DNAJC6: variants seen among roughly 807,000 people sequenced by gnomAD.
DNAJC6 encodes DnaJ heat shock protein family (Hsp40) member C6.
A neutral mutation model predicts 110.0 loss-of-function variants in DNAJC6; 34 were observed. The observed-to-expected ratio is 0.31, with a 90% CI of 0.24 to 0.41. DNAJC6 has a LOEUF of 0.41. Among genes scored for constraint, DNAJC6 ranks in the 10% least tolerant of loss-of-function variants. The pLI is 1.00. For synonymous variants in DNAJC6, 406 were observed against 437.2 expected (o/e 0.93, Z 0.89); for missense variants, 1,031 against 1,207.8 (o/e 0.85, Z 2.17).
At chr1:65,378,879 A>G (rs567058140) in intron 4 of DNAJC6, among the ~76,000 whole-genome samples, 2 of 152,332 alleles carry the variant, frequency 1.3e-5, no homozygotes, top group East Asian at 1.9e-4. Flanking sequence ...AAAAATATGC[A>G]TGTTAAATGA....
chr1:65,315,382 A>T (rs1645139819), intron 1 of DNAJC6, among the ~76,000 whole-genome samples: 2 of 152,136 alleles, frequency 1.3e-5, no homozygotes, highest in South Asian at 4.1e-4. Flanking sequence ...GAATAAAATG[A>T]GAAAAGTTAA....
At chr1:65,336,747 A>G (rs1011403989) in intron 1 of DNAJC6, among the ~76,000 whole-genome samples, 5 of 152,198 alleles carry the variant, frequency 3.3e-5, no homozygotes, top group Non-Finnish European at 7.3e-5. Context: ...GAACCTGCTC[A>G]ATCAGTCAAT....
rs369755754 is a variant in DNAJC6, at chr1:65,395,564, G to A, written c.2038+532G>A. Among the ~76,000 whole-genome samples, 3 of 151,956 alleles carry A rather than the reference G, an allele frequency of 2.0e-5. 1 individual carries two copies. Among genetic ancestry groups the A allele is most frequent in the East Asian group, 3.9e-4 (2 of 5,180 alleles). On this transcript the variant is annotated intron_variant, in intron 13 of 18. Transcript: ENST00000371069. Reference sequence around the variant, plus strand: ...TAGTCTGATTTGAGATACACTCCAAGTATAAAATACATACCAGATTTCAAA... The same window carrying A: ...TAGTCTGATTTGAGATACACTCCAAATATAAAATACATACCAGATTTCAAA...
At chr1:65,380,921 G>GTTTTTTTTTTTTTTTTTTTTT (rs1162044500) in intron 5 of DNAJC6, among the ~76,000 whole-genome samples, 3 of 99,328 alleles carry the variant, frequency 3.0e-5, no homozygotes, top group African/African-American at 1.1e-4. Context: ...GTTTTGTTTT[G>GTTTTTTTTTTTTTTTTTTTTT]TTTTTTTTTT....
At chr1:65,368,592 T>A (rs1645672001) in intron 4 of DNAJC6, among the ~76,000 whole-genome samples, 1 of 148,254 alleles carries the variant, frequency 6.7e-6, no homozygotes, top group African/African-American at 2.5e-5. Flanking sequence ...CTCCTCTTCT[T>A]CTTCTTCTTC....
intron 1 of DNAJC6, among the ~76,000 whole-genome samples, chr1:65,314,617 T>A (rs1055289239): frequency 2.0e-5 from 3 of 152,084 alleles, no homozygotes; most frequent in Non-Finnish European, 2.9e-5. Flanking sequence ...GCCTCCTGAG[T>A]AACTGGGATT....
At chr1:65,374,671 G>A (rs1409853781) in intron 4 of DNAJC6, among the ~76,000 whole-genome samples, 7 of 152,098 alleles carry the variant, frequency 4.6e-5, no homozygotes, top group Non-Finnish European at 1.0e-4. Context: ...AGTTCTAACA[G>A]TTTTTTTGGT....
At chr1:65,387,593 G>T (rs1412491137) in intron 8 of DNAJC6, among the ~76,000 whole-genome samples, 1 of 152,110 alleles carries the variant, frequency 6.6e-6, no homozygotes, top group Non-Finnish European at 1.5e-5. Flanking sequence ...GAATGTTTTT[G>T]AAGCTTATTG....
At chr1:65,323,366 A>G (rs1645213566) in intron 1 of DNAJC6, among the ~76,000 whole-genome samples, 1 of 152,158 alleles carries the variant, frequency 6.6e-6, no homozygotes, top group Admixed American at 6.5e-5. Context: ...TGGTTTTAAA[A>G]TGTGGACTTC....
chr1:65,308,320 AAATGACTC>A (rs1645063782), upstream of DNAJC6, among the ~76,000 whole-genome samples: 2 of 152,232 alleles, frequency 1.3e-5, no homozygotes, highest in African/African-American at 4.8e-5. Context: ...AAACTCTGTC[AAATGACTC>A]TTGACGGGCG....
At chr1:65,398,757 GA>G in intron 13 of DNAJC6, 55 bp from the exon 14 acceptor site, 2 of 1,596,768 alleles carry the variant, frequency 1.3e-6, no homozygotes, top group East Asian at 2.2e-5. Context: ...TGTGAACTCA[GA>G]AAAGTGGGTT....
Position 65,366,044 on chromosome 1 carries a change from C to T in DNAJC6, c.395-4C>T, listed in dbSNP as rs779652942. ...GTTTTCTTTCTGTGTGATCTCTCTC[C>T]TAGTGATGTCCTTTCCTCTGGACAA... On this transcript the variant is annotated splice_region_variant and splice_polypyrimidine_tract_variant and intron_variant, in intron 3 of 18. Transcript: ENST00000371069. 1.9e-6 allele frequency: 3 copies of T among 1,613,592 alleles called. No individual in the cohort carries two copies. The South Asian group carries it at 3.3e-5, about 18-fold the overall frequency.
intron 12 of DNAJC6, 73 bp downstream of exon 12, chr1:65,392,938 A>T (rs1286637244): frequency 1.5e-6 from 2 of 1,358,924 alleles, no homozygotes; most frequent in Admixed American, 3.2e-5. Context: ...GTGGAATTGA[A>T]CTTTCCTAAT....
chr1:65,309,962 A>G (rs2101359013), intron 1 of DNAJC6, 24 bp downstream of exon 1: 1 of 1,386,756 alleles, frequency 7.2e-7, no homozygotes, highest in Admixed American at 3.5e-5. Context: ...AGGGGAGTGC[A>G]GCGCTGAGCC....
Position 65,411,443 on chromosome 1 carries a change from C to G in DNAJC6, c.2811+17C>G. On this transcript the variant is annotated intron_variant, in intron 18 of 18. Coordinates refer to ENST00000371069, the MANE Select transcript of DNAJC6 (RefSeq NM_001256864.2). The stretch of plus-strand genomic sequence containing the variant: ...CCAGATAAAGTGGGTATAACCTGCC[C>G]TGTTGTGTAACTTGTCAGGTCCTTG... 1 of 1,605,228 alleles carries G rather than the reference C, an allele frequency of 6.2e-7. No individual in the cohort carries two copies. The highest frequency in any genetic ancestry group is 8.5e-7 in the Non-Finnish European group (1 of 1,173,444).
intron 13 of DNAJC6, among the ~76,000 whole-genome samples, chr1:65,397,123 T>G (rs1265482306): frequency 6.6e-6 from 1 of 152,182 alleles, no homozygotes; most frequent in African/African-American, 2.4e-5. Context: ...ACATTTCTCA[T>G]TTTGGTCTGT....
At chr1:65,370,891 C>A (rs1645698996) in intron 4 of DNAJC6, among the ~76,000 whole-genome samples, 1 of 152,114 alleles carries the variant, frequency 6.6e-6, no homozygotes, top group Non-Finnish European at 1.5e-5. Context: ...CCAGTTGTTT[C>A]TGCATTGGTG....
intron 1 of DNAJC6, among the ~76,000 whole-genome samples, chr1:65,319,203 C>T (rs1275228366): frequency 5.9e-5 from 9 of 152,198 alleles, no homozygotes; most frequent in Admixed American, 5.9e-4. Flanking sequence ...ATGTGATCAA[C>T]TGTTTTTCTC....
chr1:65,411,537 T>A (rs1035530486), intron 18 of DNAJC6, 111 bp downstream of exon 18: 6 of 1,030,860 alleles, frequency 5.8e-6, no homozygotes, highest in Non-Finnish European at 8.3e-6. Context: ...TTTAATAAAA[T>A]TAAGTCAATG....
Sources: allele counts gnomAD v4.1 joint callset (sites outside exome capture counted in the v4.1 genomes callset), GRCh38; gene constraint gnomAD v4.1.1; transcripts MANE v1.5; gene names NCBI Gene and HGNC (gene_info 2026-07-23, HGNC 2026-07-21).